ABCA8: variants seen among roughly 807,000 people sequenced by gnomAD.
The protein encoded by ABCA8 is ATP binding cassette subfamily A member 8.
Under a neutral mutation model 192.3 loss-of-function variants are expected in ABCA8, and 177 were observed. The observed-to-expected ratio is 0.92, with a 90% CI of 0.81 to 1.04. ABCA8 has a LOEUF of 1.04. Among genes scored for constraint, ABCA8 ranks in the 50% least tolerant of loss-of-function variants. The pLI, the probability that ABCA8 is intolerant of heterozygous loss-of-function variation, is 0.00. For synonymous variants in ABCA8, 642 were observed against 690.2 expected, an observed-to-expected ratio of 0.93 and a Z score of 1.09; for missense variants, 1,915 against 1,904.8, an observed-to-expected ratio of 1.01 and a Z score of -0.10.
intron 23 of ABCA8, among the ~76,000 whole-genome samples, chr17:68,893,734 TCCTTTTC>T (rs1567836208): frequency 4.3e-5 from 6 of 138,242 alleles, no homozygotes; most frequent in South Asian, 2.3e-4. Flanking sequence ...TTTTTTTTTT[TCCTTTTC>T]TTTTTTTATT....
chr17:68,891,656 A>G (rs2066626742), intron 23 of ABCA8, 60 bp from the exon 24 acceptor site: 1 of 1,303,332 alleles, frequency 7.7e-7, no homozygotes, highest in Admixed American at 2.1e-5. Context: ...ATTTTCTGGA[A>G]TACATTTTTA....
chr17:68,948,935 G>T (rs1212788382), intron 2 of ABCA8, among the ~76,000 whole-genome samples: 1 of 152,070 alleles, frequency 6.6e-6, no homozygotes, highest in Non-Finnish European at 1.5e-5. Context: ...GTAAGGAAGG[G>T]GTCCAGTTTC....
chr17:68,877,737 C>T (rs766004656), intron 32 of ABCA8, 58 bp from the exon 33 acceptor site: 24 of 1,512,260 alleles, frequency 1.6e-5, no homozygotes, highest in Non-Finnish European at 2.0e-5. Context: ...TTGAGTATTT[C>T]CATGACATCA....
At chr17:68,945,430 A>G (rs1422206299) in intron 2 of ABCA8, among the ~76,000 whole-genome samples, 6 of 151,800 alleles carry the variant, frequency 4.0e-5, no homozygotes, top group Non-Finnish European at 5.9e-5. Context: ...ATTTTCTTCT[A>G]TTGTATTCAA....
At chr17:68,873,080 C>T (rs2143211986) in intron 37 of ABCA8, among the ~76,000 whole-genome samples, 1 of 152,274 alleles carries the variant, frequency 6.6e-6, no homozygotes, top group East Asian at 1.9e-4. Context: ...ATTCACTCAC[C>T]ACTGTCTCAC....
intron 5 of ABCA8, among the ~76,000 whole-genome samples, chr17:68,935,080 T>C (rs2068017565): frequency 6.6e-6 from 1 of 151,248 alleles, no homozygotes; most frequent in Admixed American, 6.6e-5. Flanking sequence ...AAACACTTTA[T>C]CACCTTTTTT....
At chr17:68,901,084 G>C (rs532590020) in intron 21 of ABCA8, among the ~76,000 whole-genome samples, 2 of 152,280 alleles carry the variant, frequency 1.3e-5, no homozygotes, top group African/African-American at 2.4e-5. Context: ...GTGTTATTTT[G>C]TTCAATCTCA....
intron 13 of ABCA8, among the ~76,000 whole-genome samples, chr17:68,920,516 A>T (rs1431663001): frequency 6.6e-6 from 1 of 152,206 alleles, no homozygotes; most frequent in African/African-American, 2.4e-5. Flanking sequence ...AATAGTTATT[A>T]TGAAATACTC....
In ABCA8 at chr17:68,946,674, C is replaced by T. The variant is rs186632894; in HGVS notation, c.-6+2638G>A. On this transcript the variant is annotated intron_variant, in intron 2 of 39. Transcript: ENST00000586539. ...ATTGTATTGGCCGGGCATGGTGGCT[C>T]ATGCCTGTAATCCCAGCAGTTTGGG... Among the ~76,000 whole-genome samples the T allele has an allele frequency of 1.1e-3, 167 of 152,218 alleles. 1 individual carries two copies. Among genetic ancestry groups the T allele is most frequent in the Non-Finnish European group, 1.8e-3 (121 of 67,996 alleles).
intron 5 of ABCA8, among the ~76,000 whole-genome samples, chr17:68,935,888 G>A (rs1219180890): frequency 6.6e-6 from 1 of 151,958 alleles, no homozygotes; most frequent in African/African-American, 2.4e-5. Context: ...TAGCCATTCC[G>A]ACTAGGGTAA....
At chr17:68,946,108 C>G (rs898479521) in intron 2 of ABCA8, among the ~76,000 whole-genome samples, 1 of 151,678 alleles carries the variant, frequency 6.6e-6, no homozygotes, top group Non-Finnish European at 1.5e-5. Context: ...CACTGTGTGG[C>G]CCAGGCTAGA....
At chr17:68,938,780 C>G (rs565615737) in intron 4 of ABCA8, among the ~76,000 whole-genome samples, 77 of 152,234 alleles carry the variant, frequency 5.1e-4, no homozygotes, top group African/African-American at 1.8e-3. Flanking sequence ...ATACTGACAT[C>G]CTGTAGATAT....
chr17:68,939,638 C>A (rs142382825), intron 4 of ABCA8, among the ~76,000 whole-genome samples: 204 of 152,164 alleles, frequency 1.3e-3, no homozygotes, highest in African/African-American at 4.6e-3. Flanking sequence ...ATGAAGCCAG[C>A]ACACAAAGCT....
chr17:68,954,230 C>T (rs931064821), intron 1 of ABCA8, among the ~76,000 whole-genome samples: 6 of 136,088 alleles, frequency 4.4e-5, no homozygotes, highest in African/African-American at 1.7e-4. Flanking sequence ...TGTTTCCCTA[C>T]ACTCCACCTC....
At chr17:68,944,113 A>G (rs892051472) in intron 2 of ABCA8, among the ~76,000 whole-genome samples, 2 of 151,200 alleles carry the variant, frequency 1.3e-5, no homozygotes, top group Admixed American at 6.6e-5. Context: ...AGGAGAACAC[A>G]TGGTCACAGG....
chr17:68,944,084 C>T (rs2068307249), intron 2 of ABCA8, among the ~76,000 whole-genome samples: 1 of 151,380 alleles, frequency 6.6e-6, no homozygotes, highest in African/African-American at 2.4e-5. Flanking sequence ...TGTTCTCGCT[C>T]ATAAGTGGGA....
intron 28 of ABCA8, among the ~76,000 whole-genome samples, chr17:68,884,125 A>G (rs2066401108): frequency 6.6e-6 from 1 of 152,218 alleles, no homozygotes; most frequent in Non-Finnish European, 1.5e-5. Context: ...ACAGTTGTAC[A>G]GAGTCCTTAA....
intron 21 of ABCA8, among the ~76,000 whole-genome samples, chr17:68,895,565 A>G (rs1291855976): frequency 6.6e-6 from 1 of 152,210 alleles, no homozygotes; most frequent in African/African-American, 2.4e-5. Context: ...ATTAAATCTC[A>G]GTAAGAACAC....
intron 2 of ABCA8, among the ~76,000 whole-genome samples, chr17:68,948,144 A>T (rs1020175789): frequency 1.3e-5 from 2 of 152,190 alleles, no homozygotes; most frequent in African/African-American, 4.8e-5. Flanking sequence ...CCAGTCTAAC[A>T]TTGTTGGGCA....
Sources: gnomAD v4.1 joint callset for allele counts (sites outside exome capture counted in the v4.1 genomes callset) on GRCh38, gnomAD v4.1.1 for gene constraint, MANE v1.5 for transcripts, NCBI Gene and HGNC (gene_info 2026-07-23, HGNC 2026-07-21) for gene names.